FMR1NB: variants seen among roughly 807,000 people sequenced by gnomAD.
The protein encoded by FMR1NB is FMR1 neighbor protein.
A neutral mutation model predicts 16.8 loss-of-function variants in FMR1NB; 10 were observed. That is an observed-to-expected ratio of 0.60 (90% CI 0.37 to 1.01). The LOEUF is 1.01. Ranked by LOEUF, FMR1NB falls within the 50% of genes least tolerant of loss-of-function variation. FMR1NB has a pLI of 0.01. For missense variants in FMR1NB, 205 were observed against 204.8 expected (o/e 1.00, Z 0.00); for synonymous variants, 83 against 79.1 (o/e 1.05, Z -0.26).
intron 2 of FMR1NB, among the ~76,000 whole-genome samples, chrX:148,004,642 A>G (rs887220639): frequency 4.5e-5 from 5 of 112,169 alleles, no homozygotes; most frequent in Admixed American, 2.8e-4. Context: ...TTGAAAATAA[A>G]CACTCTTACC....
At chrX:148,010,105 T>A (rs2044616292) in intron 4 of FMR1NB, among the ~76,000 whole-genome samples, 1 of 112,146 alleles carries the variant, frequency 8.9e-6, no homozygotes, top group South Asian at 3.7e-4. Flanking sequence ...CCCTGGATTT[T>A]TTTTTCTCTA....
At chrX:148,006,202 ATATAT>A (rs1461610762) in intron 2 of FMR1NB, among the ~76,000 whole-genome samples, 1 of 112,130 alleles carries the variant, frequency 8.9e-6, no homozygotes, top group East Asian at 2.8e-4. Context: ...GAATCTTAAA[ATATAT>A]TATAGTGCCA....
intron 1 of FMR1NB, among the ~76,000 whole-genome samples, chrX:147,981,982 C>G (rs1174074118): frequency 6.3e-5 from 7 of 111,726 alleles, no homozygotes; most frequent in Non-Finnish European, 1.3e-4. Context: ...ACTAACCTCC[C>G]TTGTCGCCCC....
In FMR1NB at chrX:148,003,335, G is replaced by T; in HGVS notation, c.397+15G>T. ...CTTTCCAACAAGTAAGTTCTTGTTT[G>T]ATTTTTTTCCCCCTCTAATGTTCTT... On this transcript the variant is annotated intron_variant, in intron 2 of 5. Transcript: ENST00000370467. 1.7e-6 allele frequency: 2 copies of T among 1,206,422 alleles called. No individual in the cohort carries two copies. Among genetic ancestry groups the T allele is most frequent in the Non-Finnish European group, 2.2e-6 (2 of 892,025 alleles).
At chrX:148,019,120 G>A (rs977709036) in intron 4 of FMR1NB, among the ~76,000 whole-genome samples, 52 of 111,656 alleles carry the variant, frequency 4.7e-4, no homozygotes, top group Non-Finnish European at 5.1e-4. Context: ...GGTATTAAAT[G>A]TATTTTAAAA....
chrX:148,001,183 T>C (rs1426296603), intron 1 of FMR1NB, among the ~76,000 whole-genome samples: 1 of 111,974 alleles, frequency 8.9e-6, no homozygotes, highest in Non-Finnish European at 1.9e-5. Context: ...TGATAAACCT[T>C]ATTCAGGGAC....
rs2044597969 is a variant in FMR1NB at position 148,006,706 on chromosome X, C to T, written c.402C>T (p.Cys134=). The T allele has an allele frequency of 8.3e-7, 1 of 1,198,009 alleles. No homozygotes were observed. Among genetic ancestry groups the T allele is most frequent in the Non-Finnish European group, 1.1e-6 (1 of 890,478 alleles). Residue 134 remains cysteine (C), a synonymous_variant, in exon 3 of 6, where the codon TGC becomes TGT. Coordinates refer to ENST00000370467, the MANE Select transcript of FMR1NB (RefSeq NM_152578.3). ...TTAAATTTCTGTTTTTAAAAGCTTG[C>T]AATCTGAGGGAAAATCAGGTGGCAA... The part of the protein sequence containing the change: ...ALLNFFFPTT[C]NLRENQVAKP...
chrX:148,002,045 A>G (rs1403665335), intron 1 of FMR1NB, among the ~76,000 whole-genome samples: 1 of 111,565 alleles, frequency 9.0e-6, no homozygotes. Context: ...TGTTGGGAGT[A>G]TTAGAGTATA....
In FMR1NB at chrX:147,981,358, C is replaced by A. The variant is rs782730280; in HGVS notation, c.-45C>A. 1.0e-6 allele frequency: 1 copy of A among 980,626 alleles called. No homozygotes were observed. Among genetic ancestry groups the A allele is most frequent in the African/African-American group, 2.5e-5 (1 of 40,622 alleles). The allele number at this position is 980,626 out of a possible 1,213,427, so 80.8% of individuals were successfully genotyped here. On this transcript the variant is annotated 5_prime_UTR_variant, in exon 1 of 6. Transcript: ENST00000370467. ...GCTTCTGGGCCACGGACTGCCGGAC[C>A]GTTGGGCTGTGAGGCAGCGTCTCAG...
intron 1 of FMR1NB, among the ~76,000 whole-genome samples, chrX:147,998,816 A>C (rs1298883794): frequency 8.9e-6 from 1 of 112,439 alleles, no homozygotes; most frequent in African/African-American, 3.2e-5. Context: ...ATACTGCTCA[A>C]ATTAATTTAA....
chrX:148,018,053 C>T (rs1362254737), intron 4 of FMR1NB, among the ~76,000 whole-genome samples: 1 of 107,171 alleles, frequency 9.3e-6, no homozygotes, highest in East Asian at 2.9e-4. Context: ...GGGTATATAC[C>T]CAGTAATGGG....
At chrX:147,988,942 A>G (rs1464156429) in intron 1 of FMR1NB, among the ~76,000 whole-genome samples, 8 of 111,352 alleles carry the variant, frequency 7.2e-5, no homozygotes, top group African/African-American at 2.6e-4. Context: ...TCCTTGCATT[A>G]GATTAGAACA....
At chrX:147,993,917 C>T (rs1025500265) in intron 1 of FMR1NB, among the ~76,000 whole-genome samples, 2 of 108,702 alleles carry the variant, frequency 1.8e-5, no homozygotes, top group African/African-American at 7.0e-5. Flanking sequence ...CCTCCTCCTC[C>T]AGATTCTCCC....
chrX:148,019,395 G>C (rs1240870538), intron 4 of FMR1NB, among the ~76,000 whole-genome samples: 2 of 112,114 alleles, frequency 1.8e-5, no homozygotes, highest in African/African-American at 3.2e-5. Context: ...GTTTCTCCAG[G>C]ATTAGTTTCT....
At chrX:148,024,114 G>C (rs782150013) in intron 4 of FMR1NB, among the ~76,000 whole-genome samples, 81 of 111,909 alleles carry the variant, frequency 7.2e-4, no homozygotes, top group Non-Finnish European at 2.1e-4. Context: ...CATTATTCAC[G>C]AACACTGCAA....
intron 1 of FMR1NB, among the ~76,000 whole-genome samples, chrX:147,990,556 G>A (rs1400767848): frequency 9.0e-6 from 1 of 111,458 alleles, no homozygotes; most frequent in Non-Finnish European, 1.9e-5. Context: ...ATCAAATCCA[G>A]GTAATTGAGA....
Position 148,008,647 on chromosome X carries a change from C to T in FMR1NB, c.568C>T (p.Leu190Phe). ...VPKQMMQMFG[L>F]GAISLILVCL... Reference sequence around the variant, plus strand: ...TAAACAGATGATGCAAATGTTTGGGCTTGGTGCGATCAGCCTTATCCTGGT... The same window carrying T: ...TAAACAGATGATGCAAATGTTTGGGTTTGGTGCGATCAGCCTTATCCTGGT... The change falls in exon 4 of 6, where the codon CTT (leucine) becomes TTT (phenylalanine). Residue 190 changes from leucine (L) to phenylalanine (F), a missense_variant. Coordinates refer to ENST00000370467, the MANE Select transcript of FMR1NB (RefSeq NM_152578.3). The T allele has an allele frequency of 1.7e-6, 2 of 1,211,656 alleles. No individual in the cohort carries two copies. Among genetic ancestry groups the T allele is most frequent in the Non-Finnish European group, 2.2e-6 (2 of 895,409 alleles).
At chrX:148,023,655 T>C (rs5904842) in intron 4 of FMR1NB, among the ~76,000 whole-genome samples, 9,845 of 111,513 alleles carry the variant, frequency 0.088, 442 homozygotes, top group African/African-American at 0.17. Flanking sequence ...TTTCTTTTTT[T>C]CTGTCTTTGG....
At chrX:148,026,200 A>G (rs1260366403) in intron 5 of FMR1NB, among the ~76,000 whole-genome samples, 3 of 111,131 alleles carry the variant, frequency 2.7e-5, no homozygotes, top group Non-Finnish European at 5.7e-5. Flanking sequence ...ATATATACAT[A>G]TGTAACATTA....
Sources: gnomAD v4.1 joint callset for allele counts (sites outside exome capture counted in the v4.1 genomes callset) on GRCh38, gnomAD v4.1.1 for gene constraint, MANE v1.5 for transcripts, NCBI Gene and HGNC (gene_info 2026-07-23, HGNC 2026-07-21) for gene names.